Variants in PCDHA4 observed in about 807,000 individuals in gnomAD.
PCDHA4 encodes the protein protocadherin alpha-4.
A neutral mutation model predicts 61.4 loss-of-function variants in PCDHA4; 49 were observed. That is an observed-to-expected ratio of 0.80 (90% CI 0.63 to 1.01). The LOEUF is 1.01. PCDHA4 is among the 50% of genes least tolerant of loss of function. The probability of loss-of-function intolerance (pLI) is 0.00; values close to 1 mark genes in which losing one functional copy is unlikely to be tolerated. For missense variants in PCDHA4, 1,254 were observed against 1,235.8 expected (o/e 1.01, Z -0.22); for synonymous variants, 590 against 550.3 (o/e 1.07, Z -1.01).
rs147351924 is a variant in PCDHA4, at chr5:141,009,782, C to T, written c.2689C>T (p.Arg897Trp). 27 of 1,613,956 alleles carry T rather than the reference C, an allele frequency of 1.7e-5. No homozygotes were observed. The highest frequency in any genetic ancestry group is 9.9e-5 in the South Asian group (9 of 91,070). ...AGGATCTCCTGCAATCATCTCCATCCGGCAGGAGCCTACTAACAGCCAAAT... is the reference window on the plus strand; with the variant it reads ...AGGATCTCCTGCAATCATCTCCATCTGGCAGGAGCCTACTAACAGCCAAAT... ...IPGSPAIISI[R>W]QEPTNSQIDK... is the part of the protein sequence containing the mutation. The change falls in exon 4 of 4, where the codon CGG becomes TGG. Residue 897 changes from arginine (R) to tryptophan (W), a missense_variant. Coordinates refer to ENST00000530339, the MANE Select transcript of PCDHA4 (RefSeq NM_018907.4).
At chr5:140,842,661 A>G in intron 1 of PCDHA4, 1 of 1,595,428 alleles carries the variant, frequency 6.3e-7, no homozygotes, top group Non-Finnish European at 8.6e-7. Flanking sequence ...GAGGTGGCCG[A>G]CGTGAACGAC....
At chr5:140,862,563 C>G in intron 1 of PCDHA4, 1 of 476,978 alleles carries the variant, frequency 2.1e-6, no homozygotes, top group East Asian at 5.5e-5. Context: ...CAGTGAACCA[C>G]AATGCCCTGG....
At chr5:140,863,261 A>G (rs782771328) in intron 1 of PCDHA4, 17 of 1,449,886 alleles carry the variant, frequency 1.2e-5, no homozygotes, top group Non-Finnish European at 1.4e-5. Context: ...GAGGTCCGGG[A>G]GGCAGCGCTG....
chr5:140,819,524 G>T (rs1446749236), intron 1 of PCDHA4, among the ~76,000 whole-genome samples: 2 of 152,068 alleles, frequency 1.3e-5, no homozygotes, highest in Non-Finnish European at 2.9e-5. Flanking sequence ...AACTGGATCA[G>T]TCAAGAAAAT....
intron 1 of PCDHA4, among the ~76,000 whole-genome samples, chr5:140,919,430 T>C (rs935963449): frequency 1.3e-5 from 2 of 152,196 alleles, no homozygotes; most frequent in Non-Finnish European, 2.9e-5. Flanking sequence ...TGCCTTTTGA[T>C]TGGGTTCTTT....
chr5:140,869,766 G>A (rs782388204), intron 1 of PCDHA4: 2 of 1,613,210 alleles, frequency 1.2e-6, no homozygotes, highest in Non-Finnish European at 1.7e-6. Flanking sequence ...GAAAACCAGA[G>A]CTTACTGGCA....
intron 1 of PCDHA4, chr5:140,812,047 C>T (rs140819853): frequency 1.7e-4 from 20 of 120,280 alleles, no homozygotes; most frequent in African/African-American, 5.8e-4. Flanking sequence ...GTTCCCTCTC[C>T]TTCAATTTTT....
chr5:140,857,464 C>T lies in PCDHA4; in HGVS notation c.2385+47892C>T. On this transcript the variant is annotated intron_variant, in intron 1 of 3. Transcript: ENST00000530339. ...AGGAGAACAACCCGCCAGGCTGCCACATCTTCACGGTGTCTGCGTGGGACG... is the reference window on the plus strand; with the variant it reads ...AGGAGAACAACCCGCCAGGCTGCCATATCTTCACGGTGTCTGCGTGGGACG... 1.9e-6 allele frequency: 3 copies of T among 1,598,642 alleles called. 1 individual carries two copies. The South Asian group carries it at 3.3e-5, about 18-fold the overall frequency.
chr5:141,004,402 A>T (rs2098165262), intron 3 of PCDHA4, among the ~76,000 whole-genome samples: 1 of 152,188 alleles, frequency 6.6e-6, no homozygotes, highest in African/African-American at 2.4e-5. Context: ...TGGAGGAGGC[A>T]CCTGACTAGA....
intron 2 of PCDHA4, 158 bp downstream of exon 2, chr5:140,979,165 A>G (rs1586797430): frequency 1.0e-6 from 1 of 970,900 alleles, no homozygotes; most frequent in South Asian, 4.8e-5. Flanking sequence ...TTATTCCTTG[A>G]AAGATCGCAA....
At chr5:140,853,848 C>T (rs2042883759) in intron 1 of PCDHA4, 1 of 985,936 alleles carries the variant, frequency 1.0e-6, no homozygotes, top group Non-Finnish European at 1.2e-6. Context: ...AGATCCATAG[C>T]CCTATTTGAT....
rs150360427 is a variant in PCDHA4 at position 140,892,912 on chromosome 5, T to C, written c.2385+83340T>C. Among the ~76,000 whole-genome samples, 3 of 152,298 alleles carry C rather than the reference T, an allele frequency of 2.0e-5. No homozygotes were observed. In the East Asian group the frequency reaches 5.8e-4, roughly 29 times the overall value. Reference sequence around the variant, plus strand: ...CAACCTTTCCCCATCCTCCTTTTCCTTCACCCTTCCCAGCCTCTGATAAGC... The same window carrying C: ...CAACCTTTCCCCATCCTCCTTTTCCCTCACCCTTCCCAGCCTCTGATAAGC... On this transcript the variant is annotated intron_variant, in intron 1 of 3. Coordinates refer to ENST00000530339, the MANE Select transcript of PCDHA4 (RefSeq NM_018907.4).
chr5:140,886,697 G>A (rs1230801248), intron 1 of PCDHA4, among the ~76,000 whole-genome samples: 4 of 151,750 alleles, frequency 2.6e-5, no homozygotes. Context: ...ATGGTGGCAC[G>A]CGCCTGTAAT....
intron 1 of PCDHA4, chr5:140,883,799 C>T: frequency 1.2e-6 from 2 of 1,612,460 alleles, no homozygotes; most frequent in Non-Finnish European, 1.7e-6. Flanking sequence ...CGTGTCGGTG[C>T]ACGCGGAGAG....
chr5:140,979,053 T>A (rs1429544807), intron 2 of PCDHA4, 46 bp downstream of exon 2: 3 of 1,610,104 alleles, frequency 1.9e-6, no homozygotes, highest in Admixed American at 3.4e-5. Context: ...CTTAACTTGG[T>A]ATGGCTCAGA....
intron 1 of PCDHA4, among the ~76,000 whole-genome samples, chr5:140,891,797 C>A (rs2063254101): frequency 6.6e-6 from 1 of 152,136 alleles, no homozygotes; most frequent in Non-Finnish European, 1.5e-5. Context: ...TATGAGGGAT[C>A]TGCCCTCATG....
chr5:140,863,250 C>T, intron 1 of PCDHA4: 1 of 1,410,418 alleles, frequency 7.1e-7, no homozygotes, highest in Non-Finnish European at 9.7e-7. Context: ...TGGCGGGCGT[C>T]GAGGTCCGGG....
intron 1 of PCDHA4, chr5:140,869,903 C>A: frequency 1.2e-6 from 2 of 1,610,648 alleles, no homozygotes; most frequent in Non-Finnish European, 1.7e-6. Flanking sequence ...CTAAACGCCA[C>A]AGACCGAGAC....
At chr5:140,843,564 G>A in intron 1 of PCDHA4, 1 of 1,595,922 alleles carries the variant, frequency 6.3e-7, no homozygotes, top group Non-Finnish European at 8.6e-7. Flanking sequence ...GTGGGGAGCT[G>A]GTCATACTCG....
Sources: gnomAD v4.1 joint callset for allele counts (sites outside exome capture counted in the v4.1 genomes callset) on GRCh38, gnomAD v4.1.1 for gene constraint, MANE v1.5 for transcripts, NCBI Gene and HGNC (gene_info 2026-07-23, HGNC 2026-07-21) for gene names.